The following SLCO1A2 variants were observed in gnomAD, a reference collection of about 807,000 sequenced individuals.
SLCO1A2 encodes OATP-1.
In SLCO1A2, 67 loss-of-function variants were observed where a neutral mutation model predicts 69.0. That is an observed-to-expected ratio of 0.97 (90% CI 0.80 to 1.19). The LOEUF (loss-of-function observed/expected upper bound fraction) is 1.19. SLCO1A2 is among the 50% of genes most tolerant of loss of function. The probability of loss-of-function intolerance (pLI) is 0.00; values close to 1 mark genes in which losing one functional copy is unlikely to be tolerated. For missense variants in SLCO1A2, 787 were observed against 793.7 expected, an observed-to-expected ratio of 0.99 and a Z score of 0.10; for synonymous variants, 260 against 265.9, an observed-to-expected ratio of 0.98 and a Z score of 0.22.
intron 1 of SLCO1A2, among the ~76,000 whole-genome samples, chr12:21,382,793 C>CAAAA (rs3060709): frequency 1.2e-4 from 9 of 75,190 alleles, no homozygotes; most frequent in Admixed American, 3.2e-4. Context: ...AACTCCGTCT[C>CAAAA]AAAAAAAAAA....
chr12:21,354,715 A>G (rs1466164722), intron 2 of SLCO1A2, among the ~76,000 whole-genome samples: 1 of 152,052 alleles, frequency 6.6e-6, no homozygotes, highest in Non-Finnish European at 1.5e-5. Context: ...TTTAGCCTTC[A>G]TCCTATGTTA....
chr12:21,380,217 C>T (rs1042912102), intron 1 of SLCO1A2, among the ~76,000 whole-genome samples: 2 of 151,994 alleles, frequency 1.3e-5, no homozygotes, highest in African/African-American at 4.8e-5. Flanking sequence ...ATAAATATTA[C>T]ATATATGGAT....
intron 1 of SLCO1A2, among the ~76,000 whole-genome samples, chr12:21,382,768 C>A (rs1940665221): frequency 7.1e-6 from 1 of 141,454 alleles, no homozygotes; most frequent in African/African-American, 2.7e-5. Flanking sequence ...ACACTCCAGC[C>A]TGGGCGACAG....
intron 2 of SLCO1A2, among the ~76,000 whole-genome samples, chr12:21,343,404 ATATTC>A (rs1372082851): frequency 6.6e-6 from 1 of 152,104 alleles, no homozygotes. Flanking sequence ...CTTATTGCTT[ATATTC>A]ATCTGGCTCT....
At chr12:21,378,338 C>G in intron 1 of SLCO1A2, 1 of 1,614,148 alleles carries the variant, frequency 6.2e-7, no homozygotes, top group Non-Finnish European at 8.5e-7. Context: ...GCCATTCTCT[C>G]ATCTACCAAC....
chr12:21,389,576 G>A (rs535914887), intron 1 of SLCO1A2, among the ~76,000 whole-genome samples: 1 of 152,120 alleles, frequency 6.6e-6, no homozygotes, highest in African/African-American at 2.4e-5. Context: ...GTATCCATAT[G>A]AAGAACTTAT....
At chr12:21,381,523 C>T (rs977748095) in intron 1 of SLCO1A2, among the ~76,000 whole-genome samples, 15 of 152,234 alleles carry the variant, frequency 9.9e-5, no homozygotes, top group Middle Eastern at 6.8e-3. Flanking sequence ...ACAGGCTGGG[C>T]GTGGTGGCTC....
intron 1 of SLCO1A2, among the ~76,000 whole-genome samples, chr12:21,403,112 A>G (rs906259191): frequency 1.3e-3 from 195 of 152,264 alleles, no homozygotes; most frequent in African/African-American, 4.5e-3. Flanking sequence ...GCAGGAGGAA[A>G]ACAACATTAT....
intron 2 of SLCO1A2, among the ~76,000 whole-genome samples, chr12:21,327,996 T>C (rs534915438): frequency 6.6e-6 from 1 of 152,252 alleles, no homozygotes; most frequent in African/African-American, 2.4e-5. Context: ...TGGGAGGTAA[T>C]TGAAACATGG....
chr12:21,360,183 A>C (rs1330145390), intron 2 of SLCO1A2, among the ~76,000 whole-genome samples: 1 of 152,194 alleles, frequency 6.6e-6, no homozygotes, highest in Non-Finnish European at 1.5e-5. Context: ...TAAACTAAAA[A>C]AGGTTACAAG....
chr12:21,337,005 G>A (rs141830883), upstream of SLCO1A2, among the ~76,000 whole-genome samples: 5 of 152,052 alleles, frequency 3.3e-5, no homozygotes, highest in Non-Finnish European at 5.9e-5. Context: ...TCACACAAAC[G>A]TTGGATTTCT....
At chr12:21,407,603 C>A (rs1485745591) in intron 1 of SLCO1A2, among the ~76,000 whole-genome samples, 3 of 152,088 alleles carry the variant, frequency 2.0e-5, no homozygotes, top group Non-Finnish European at 4.4e-5. Flanking sequence ...GAGTTCAAGA[C>A]TAGCCTGAGC....
At chr12:21,358,927 G>A (rs1370323515) in intron 2 of SLCO1A2, among the ~76,000 whole-genome samples, 3 of 151,996 alleles carry the variant, frequency 2.0e-5, no homozygotes, top group Non-Finnish European at 4.4e-5. Flanking sequence ...ACATGAGAGA[G>A]GAAACAATAA....
chr12:21,297,414 G>A lies in SLCO1A2; in HGVS notation c.1065C>T (p.Ile355=). Residue 355 remains isoleucine (I), a synonymous_variant, in exon 9 of 15, where the codon ATC becomes ATT. Transcript: ENST00000683939. The stretch of plus-strand genomic sequence containing the variant: ...GAAAAACAAACATACCCATTAGAAA[G>A]ATTGCATCTGAAGATGATATTCCAT... ...QQYGISSSDA[I]FLMGIYNLPP... is the part of the protein sequence containing the mutation. 6.2e-7 allele frequency: 1 copy of A among 1,610,410 alleles called. No homozygotes were observed. The highest frequency in any genetic ancestry group is 8.5e-7 in the Non-Finnish European group (1 of 1,177,726).
intron 12 of SLCO1A2, among the ~76,000 whole-genome samples, chr12:21,284,368 T>C (rs1460654646): frequency 2.0e-5 from 3 of 152,116 alleles, no homozygotes; most frequent in Admixed American, 6.6e-5. Flanking sequence ...TTTATCTCAC[T>C]AGGGAGTGCC....
At chr12:21,308,578 G>A (rs1591823708) in intron 4 of SLCO1A2, among the ~76,000 whole-genome samples, 1 of 152,192 alleles carries the variant, frequency 6.6e-6, no homozygotes, top group East Asian at 1.9e-4. Context: ...GGCACACTGA[G>A]CATAGAAAGG....
chr12:21,418,646 T>G (rs144048434), upstream of SLCO1A2, among the ~76,000 whole-genome samples: 1 of 152,108 alleles, frequency 6.6e-6, no homozygotes, highest in Non-Finnish European at 1.5e-5. Flanking sequence ...AACAGTATGA[T>G]GGAAACTGCC....
At chr12:21,342,712 G>A (rs772527077) in intron 2 of SLCO1A2, among the ~76,000 whole-genome samples, 2 of 151,854 alleles carry the variant, frequency 1.3e-5, no homozygotes, top group Non-Finnish European at 2.9e-5. Context: ...TTATCTACAA[G>A]CATATCGATC....
intron 8 of SLCO1A2, among the ~76,000 whole-genome samples, chr12:21,300,046 G>GTGTATATA (rs1169662102): frequency 7.5e-6 from 1 of 132,508 alleles, no homozygotes; most frequent in Non-Finnish European, 1.5e-5. Context: ...ATATATATAT[G>GTGTATATA]TGTGTGTACA....
Sources: allele counts gnomAD v4.1 joint callset (sites outside exome capture counted in the v4.1 genomes callset), GRCh38; gene constraint gnomAD v4.1.1; transcripts MANE v1.5; gene names NCBI Gene and HGNC (gene_info 2026-07-23, HGNC 2026-07-21).